DYRK1A: variants seen among roughly 807,000 people sequenced by gnomAD.
The protein encoded by DYRK1A is dual specificity tyrosine phosphorylation regulated kinase 1A.
A neutral mutation model predicts 79.7 loss-of-function variants in DYRK1A; 9 were observed. That is an observed-to-expected ratio of 0.11 (90% CI 0.07 to 0.20). The LOEUF is 0.20. DYRK1A is among the 10% of genes least tolerant of loss of function. DYRK1A has a pLI of 1.00. For missense variants in DYRK1A, 622 were observed against 956.0 expected (o/e 0.65, Z 4.61); for synonymous variants, 349 against 329.7 (o/e 1.06, Z -0.63).
At chr21:37,376,327 G>C (rs1427292209) in intron 1 of DYRK1A, among the ~76,000 whole-genome samples, 1 of 152,142 alleles carries the variant, frequency 6.6e-6, no homozygotes, top group Non-Finnish European at 1.5e-5. Context: ...GGCTAAAATG[G>C]TGAAACCCCC....
chr21:37,376,002 A>G (rs558628126), intron 1 of DYRK1A, among the ~76,000 whole-genome samples: 6 of 152,064 alleles, frequency 3.9e-5, no homozygotes, highest in Non-Finnish European at 7.4e-5. Flanking sequence ...AGGCCCCACA[A>G]GCAGACGAGG....
chr21:37,439,179 C>G (rs2051015286), intron 2 of DYRK1A, among the ~76,000 whole-genome samples: 2 of 152,216 alleles, frequency 1.3e-5, no homozygotes, highest in Admixed American at 1.3e-4. Context: ...AATAATGCAG[C>G]TTTTTGGTAG....
At chr21:37,446,153 T>C (rs1396812661) in intron 2 of DYRK1A, among the ~76,000 whole-genome samples, 1 of 152,198 alleles carries the variant, frequency 6.6e-6, no homozygotes, top group Non-Finnish European at 1.5e-5. Flanking sequence ...CCTGCTGTCC[T>C]TGTTGCTCTG....
chr21:37,474,624 C>A (rs577508728), intron 3 of DYRK1A, among the ~76,000 whole-genome samples: 27 of 152,296 alleles, frequency 1.8e-4, no homozygotes, highest in African/African-American at 6.3e-4. Flanking sequence ...ATATCTGTTC[C>A]TTGGGTGTCA....
At chr21:37,504,335 A>T (rs1409121395) in intron 9 of DYRK1A, 1 of 152,260 alleles carries the variant, frequency 6.6e-6, no homozygotes, top group East Asian at 1.9e-4. Flanking sequence ...GGCCGTCAGA[A>T]GTTGGTTCAG....
chr21:37,376,662 AC>A (rs1318050345), intron 1 of DYRK1A, among the ~76,000 whole-genome samples: 15 of 151,930 alleles, frequency 9.9e-5, no homozygotes, highest in Non-Finnish European at 1.5e-4. Flanking sequence ...TCTGCCTAGG[AC>A]CCTGCGCTTG....
chr21:37,366,570 G>A (rs1348909474), upstream of DYRK1A, among the ~76,000 whole-genome samples: 1 of 151,502 alleles, frequency 6.6e-6, no homozygotes, highest in Non-Finnish European at 1.5e-5. Flanking sequence ...ACTCGTAGCG[G>A]ACCCGAGCTC....
At chr21:37,480,941 C>A in intron 5 of DYRK1A, 115 bp downstream of exon 5, 1 of 759,588 alleles carries the variant, frequency 1.3e-6, no homozygotes, top group Non-Finnish European at 2.1e-6. Context: ...TAGAGCTCAG[C>A]AATGGATATG....
At chr21:37,489,738 A>G (rs1358549533) in intron 6 of DYRK1A, among the ~76,000 whole-genome samples, 4 of 152,158 alleles carry the variant, frequency 2.6e-5, no homozygotes, top group South Asian at 4.1e-4. Context: ...AGGGCTGCCA[A>G]CTACAGCATT....
intron 5 of DYRK1A, 21 bp from the exon 6 acceptor site, chr21:37,486,446 A>G (rs1438056757): frequency 7.0e-7 from 1 of 1,420,236 alleles, no homozygotes; most frequent in Non-Finnish European, 9.3e-7. Flanking sequence ...GAAATAGAGA[A>G]TTATTCATCT....
chr21:37,496,366 G>A (rs1041727153), intron 9 of DYRK1A, 108 bp downstream of exon 9: 9 of 1,067,756 alleles, frequency 8.4e-6, no homozygotes, highest in African/African-American at 3.2e-5. Flanking sequence ...TTCAGTTAAC[G>A]ATTTTATTGA....
At chr21:37,410,264 T>C (rs1204783343) in intron 1 of DYRK1A, among the ~76,000 whole-genome samples, 2 of 152,194 alleles carry the variant, frequency 1.3e-5, no homozygotes, top group Non-Finnish European at 2.9e-5. Flanking sequence ...GAATAAGTCT[T>C]TGTGCATATG....
intron 2 of DYRK1A, among the ~76,000 whole-genome samples, chr21:37,463,095 TTA>T (rs1382786312): frequency 6.6e-6 from 1 of 152,102 alleles, no homozygotes; most frequent in African/African-American, 2.4e-5. Flanking sequence ...TATTTACGTC[TTA>T]TATGAGCAAT....
At chr21:37,485,753 A>G (rs1263487918) in intron 5 of DYRK1A, among the ~76,000 whole-genome samples, 2 of 151,506 alleles carry the variant, frequency 1.3e-5, no homozygotes, top group African/African-American at 2.4e-5. Context: ...CTTTTATAGT[A>G]GTATGAACCT....
chr21:37,446,276 A>AAGT (rs1035688035), intron 2 of DYRK1A, among the ~76,000 whole-genome samples: 75 of 152,322 alleles, frequency 4.9e-4, no homozygotes, highest in African/African-American at 1.8e-3. Context: ...GCCATCTCCT[A>AAGT]AGAAGTATTA....
rs2050739230 is a variant in DYRK1A, at chr21:37,430,210, A to G, written c.10+9826A>G. 3 of 798,366 alleles carry G rather than the reference A, an allele frequency of 3.8e-6. No individual in the cohort carries two copies. The South Asian group carries it at 1.7e-4, about 46-fold the overall frequency. 49.5% of individuals were successfully genotyped at this position (798,366 alleles called of 1,614,324 possible). ...CACCAGTTACTTCCAGCTTGTATATAGGTATGTTCACTTACACATCTTTCT... is the reference window on the plus strand; with the variant it reads ...CACCAGTTACTTCCAGCTTGTATATGGGTATGTTCACTTACACATCTTTCT... On this transcript the variant is annotated intron_variant, in intron 2 of 11. Coordinates refer to ENST00000647188, the MANE Select transcript of DYRK1A (RefSeq NM_001347721.2).
intron 5 of DYRK1A, among the ~76,000 whole-genome samples, chr21:37,483,447 A>G (rs1310888648): frequency 6.6e-6 from 1 of 152,206 alleles, no homozygotes; most frequent in African/African-American, 2.4e-5. Flanking sequence ...TGTCACGTGT[A>G]TATGTCTTCT....
chr21:37,380,610 T>C (rs1443755189), intron 1 of DYRK1A, among the ~76,000 whole-genome samples: 3 of 151,730 alleles, frequency 2.0e-5, no homozygotes, highest in Non-Finnish European at 4.4e-5. Context: ...GATACAGACA[T>C]GCAAAGTAAA....
chr21:37,512,890 T>C lies in DYRK1A; in HGVS notation c.*359T>C, dbSNP rs2148664033. 1.1e-5 allele frequency: 2 copies of C among 185,878 alleles called. No homozygotes were observed. The highest frequency in any genetic ancestry group is 4.7e-3 in the Middle Eastern group (2 of 426). 11.5% of individuals were successfully genotyped at this position (185,878 alleles called of 1,614,324 possible). A position where few individuals can be genotyped will look rare whatever the true frequency, so the allele number is the denominator to read the frequency against. ...CAACTAATTTTAAAGTAAAAGGCAC[T>C]GCACATAATTTGCATAAAGGGCCCC... On this transcript the variant is annotated 3_prime_UTR_variant, in exon 12 of 12. Transcript: ENST00000647188.
Sources: gnomAD v4.1 joint callset for allele counts (sites outside exome capture counted in the v4.1 genomes callset) on GRCh38, gnomAD v4.1.1 for gene constraint, MANE v1.5 for transcripts, NCBI Gene and HGNC (gene_info 2026-07-23, HGNC 2026-07-21) for gene names.